FTCDNL1: variants seen among roughly 807,000 people sequenced by gnomAD.
FTCDNL1 encodes the protein formiminotransferase N-terminal subdomain-containing protein.
FTCDNL1 carries 11 observed loss-of-function variants against 5.9 expected under a neutral mutation model. The ratio of observed to expected loss-of-function variants is 1.87; its 90% confidence interval spans 1.18 to 3.10. The LOEUF is 3.10. Among genes scored for constraint, FTCDNL1 ranks in the 30% most tolerant of loss-of-function variants. FTCDNL1 has a pLI of 0.00. For missense variants in FTCDNL1, 115 were observed against 65.5 expected, an observed-to-expected ratio of 1.76 and a Z score of -2.61; for synonymous variants, 58 against 24.8, an observed-to-expected ratio of 2.34 and a Z score of -3.99.
the FTCDNL1 span, among the ~76,000 whole-genome samples, chr2:199,721,222 C>T: frequency 1.3e-5 from 2 of 152,146 alleles, no homozygotes; most frequent in African/African-American, 4.8e-5. Flanking sequence ...CAACCCATTA[C>T]CTAAATATTA....
chr2:199,791,221 T>C (rs1229482669), intron 3 of FTCDNL1, among the ~76,000 whole-genome samples: 1 of 151,588 alleles, frequency 6.6e-6, no homozygotes, highest in African/African-American at 2.4e-5. Flanking sequence ...TGTATGAAAA[T>C]AGAGGAAAAA....
At chr2:199,755,611 A>T (rs570362933), downstream of FTCDNL1, among the ~76,000 whole-genome samples, 25 of 152,344 alleles carry the variant, frequency 1.6e-4, no homozygotes, top group African/African-American at 6.0e-4. Flanking sequence ...CAGTATCTTA[A>T]TACGTGCATG....
At chr2:199,786,976 G>C (rs1310105949) in intron 3 of FTCDNL1, among the ~76,000 whole-genome samples, 2 of 152,084 alleles carry the variant, frequency 1.3e-5, no homozygotes, top group Non-Finnish European at 2.9e-5. Flanking sequence ...GCTTTTAGAG[G>C]CTGCCCTCTT....
At chr2:199,781,540 T>C (rs968737688) in intron 3 of FTCDNL1, among the ~76,000 whole-genome samples, 17 of 152,222 alleles carry the variant, frequency 1.1e-4, no homozygotes, top group African/African-American at 3.9e-4. Flanking sequence ...AATAGACCAG[T>C]AAGATATTCT....
chr2:199,834,360 A>G (rs1306449566), intron 3 of FTCDNL1, among the ~76,000 whole-genome samples: 1 of 152,140 alleles, frequency 6.6e-6, no homozygotes, highest in Non-Finnish European at 1.5e-5. Context: ...GTACTTTGTT[A>G]CTACAGCCCT....
intron 4 of FTCDNL1, 109 bp from the exon 5 acceptor site, chr2:199,812,833 T>A (rs1449620168): frequency 8.1e-5 from 48 of 595,068 alleles, no homozygotes; most frequent in Middle Eastern, 5.1e-4. Context: ...AATATTTTTT[T>A]ATCAAAAAGA....
At chr2:199,771,036 G>A (rs979538449) in intron 3 of FTCDNL1, among the ~76,000 whole-genome samples, 1 of 152,192 alleles carries the variant, frequency 6.6e-6, no homozygotes, top group Non-Finnish European at 1.5e-5. Flanking sequence ...CAAGTTCCTT[G>A]TAATGCTTTT....
At chr2:199,808,950 G>A (rs371650678), downstream of FTCDNL1, among the ~76,000 whole-genome samples, 18 of 152,138 alleles carry the variant, frequency 1.2e-4, no homozygotes, top group East Asian at 2.1e-3. Flanking sequence ...CACAGCCTCC[G>A]CCAAAGCAAG....
intron 3 of FTCDNL1, 120 bp downstream of exon 3, chr2:199,845,955 C>G: frequency 2.1e-6 from 1 of 479,816 alleles, no homozygotes; most frequent in Non-Finnish European, 3.7e-6. Flanking sequence ...TTGTGGTAGA[C>G]TCTTTACTTA....
chr2:199,827,455 TAC>T (rs960629277), intron 3 of FTCDNL1, among the ~76,000 whole-genome samples: 1 of 152,154 alleles, frequency 6.6e-6, no homozygotes, highest in African/African-American at 2.4e-5. Flanking sequence ...GCCTGGATTA[TAC>T]ACTGGGTATT....
chr2:199,784,794 C>T (rs1349150361), intron 3 of FTCDNL1, among the ~76,000 whole-genome samples: 1 of 152,114 alleles, frequency 6.6e-6, no homozygotes, highest in African/African-American at 2.4e-5. Flanking sequence ...GGGAGAAACT[C>T]ATCTGTGAGT....
the FTCDNL1 span, among the ~76,000 whole-genome samples, chr2:199,755,497 A>G: frequency 6.6e-6 from 1 of 152,356 alleles, no homozygotes; most frequent in East Asian, 1.9e-4. Flanking sequence ...GATCTTGGGC[A>G]AGTCATTTTA....
At chr2:199,820,441 C>CA (rs1701614339) in intron 3 of FTCDNL1, among the ~76,000 whole-genome samples, 1 of 151,850 alleles carries the variant, frequency 6.6e-6, no homozygotes, top group Non-Finnish European at 1.5e-5. Context: ...CCTATCTCTA[C>CA]AAAAACTAAA....
At chr2:199,724,652 T>C in the FTCDNL1 span, among the ~76,000 whole-genome samples, 1 of 152,214 alleles carries the variant, frequency 6.6e-6, no homozygotes, top group African/African-American at 2.4e-5. Context: ...CCAGGAGTCA[T>C]TCAGGAGCAG....
intron 4 of FTCDNL1, chr2:199,819,293 C>T (rs957760310): frequency 1.8e-5 from 7 of 391,534 alleles, no homozygotes; most frequent in South Asian, 3.2e-5. Context: ...CCAGGAGCTA[C>T]GAGCATTCTT....
At position 199,801,517 on chromosome 2, in the gene FTCDNL1, G is replaced by A. The variant is rs1700449795; in HGVS notation, c.212-40682C>T. Among the ~76,000 whole-genome samples the A allele has an allele frequency of 3.3e-5, 5 of 152,070 alleles. No homozygotes were observed. The South Asian group carries it at 1.0e-3, about 32-fold the overall frequency. On this transcript the variant is annotated intron_variant, in intron 3 of 3. Coordinates refer to the FTCDNL1 transcript ENST00000416668. ...AAAAGTAAAAAAAATAGCCAGGTGT[G>A]TGGTGGTACTTGCCTGTGGTCCCAC...
At chr2:199,726,426 C>T in the FTCDNL1 span, among the ~76,000 whole-genome samples, 30 of 152,186 alleles carry the variant, frequency 2.0e-4, no homozygotes, top group Non-Finnish European at 3.2e-4. Context: ...GTTCTGTGCC[C>T]TTGCTGGAGA....
chr2:199,719,833 G>A, the FTCDNL1 span, among the ~76,000 whole-genome samples: 3 of 151,580 alleles, frequency 2.0e-5, no homozygotes, highest in Admixed American at 6.6e-5. Flanking sequence ...TAGGAGGGTC[G>A]CCATCTTGCC....
chr2:199,721,779 CA>C, the FTCDNL1 span, among the ~76,000 whole-genome samples: 1 of 152,176 alleles, frequency 6.6e-6, no homozygotes, highest in Non-Finnish European at 1.5e-5. Context: ...GCAGCCTCAC[CA>C]GCATCTGTTG....
Sources: allele counts gnomAD v4.1 joint callset (sites outside exome capture counted in the v4.1 genomes callset), GRCh38; gene constraint gnomAD v4.1.1; transcripts MANE v1.5; gene names NCBI Gene and HGNC (gene_info 2026-07-23, HGNC 2026-07-21).